The following IDE variants were observed in gnomAD, a reference collection of about 807,000 sequenced individuals.
IDE encodes insulin degrading enzyme, also known as insulin-degrading enzyme.
A neutral mutation model predicts 133.2 loss-of-function variants in IDE; 58 were observed. The ratio of observed to expected loss-of-function variants is 0.44; its 90% CI spans 0.35 to 0.54. The LOEUF (loss-of-function observed/expected upper bound fraction) is 0.54. IDE is among the 20% of genes least tolerant of loss of function. The pLI is 0.00. For synonymous variants in IDE, 396 were observed against 421.3 expected, an observed-to-expected ratio of 0.94 and a Z score of 0.73; for missense variants, 981 against 1,234.0, an observed-to-expected ratio of 0.79 and a Z score of 3.07.
intron 15 of IDE, among the ~76,000 whole-genome samples, chr10:92,478,344 T>C (rs953412126): frequency 1.3e-5 from 2 of 152,208 alleles, no homozygotes; most frequent in Non-Finnish European, 2.9e-5. Flanking sequence ...TACTTACGGA[T>C]GTTAATATAC....
chr10:92,565,124 GTAATTCCAGC>G (rs1843471197), intron 1 of IDE, among the ~76,000 whole-genome samples: 1 of 151,728 alleles, frequency 6.6e-6, no homozygotes, highest in South Asian at 2.1e-4. Context: ...GCGGGCGCCT[GTAATTCCAGC>G]TACTCAGGAG....
At chr10:92,507,372 T>C (rs1255404636) in intron 9 of IDE, among the ~76,000 whole-genome samples, 1 of 152,200 alleles carries the variant, frequency 6.6e-6, no homozygotes, top group South Asian at 2.1e-4. Context: ...ACACGATGCC[T>C]TTCCCCTTAG....
intron 10 of IDE, among the ~76,000 whole-genome samples, chr10:92,505,712 C>T (rs1448171472): frequency 6.6e-6 from 1 of 152,122 alleles, no homozygotes; most frequent in Non-Finnish European, 1.5e-5. Flanking sequence ...TGAGTGGAGA[C>T]TGAAATGATA....
Position 92,479,320 on chromosome 10 carries a change from G to C in IDE, c.1841C>G (p.Ala614Gly), listed in dbSNP as rs1318940919. The C allele has an allele frequency of 6.2e-7, 1 of 1,613,530 alleles. No individual in the cohort carries two copies. Among genetic ancestry groups the C allele is most frequent in the Non-Finnish European group, 8.5e-7 (1 of 1,179,552 alleles). ...LNEYAYAAEL[A>G]GLSYDLQNTI... ...ATTTTGGAGATCATAGCTCAAGCCT[G>C]CTAGCTCTGCTGCATATGCATACTC... The change falls in exon 15 of 25, where the codon GCA (alanine) becomes GGA (glycine). Residue 614 changes from alanine to glycine, a missense_variant. Around this residue, in one of 2 missense-constraint regions of IDE, gnomAD observed 660 missense variants for 894.7 expected, o/e 0.74. Transcript: ENST00000265986.
intron 3 of IDE, among the ~76,000 whole-genome samples, chr10:92,533,605 C>T (rs964993635): frequency 3.3e-5 from 5 of 151,742 alleles, no homozygotes; most frequent in African/African-American, 1.2e-4. Flanking sequence ...CTACTGCCTA[C>T]CATAATGCTT....
intron 1 of IDE, among the ~76,000 whole-genome samples, chr10:92,538,005 TG>T (rs1842106657): frequency 6.6e-6 from 1 of 152,006 alleles, no homozygotes; most frequent in South Asian, 2.1e-4. Context: ...CCCAAGCAGC[TG>T]GGACCACAGG....
At chr10:92,537,635 A>C in intron 1 of IDE, 85 bp from the exon 2 acceptor site, 1 of 960,622 alleles carries the variant, frequency 1.0e-6, no homozygotes, top group Non-Finnish European at 1.6e-6. Flanking sequence ...CATATAATAC[A>C]TCATCAGATT....
At chr10:92,530,349 C>T (rs568937562) in intron 4 of IDE, among the ~76,000 whole-genome samples, 2 of 151,958 alleles carry the variant, frequency 1.3e-5, no homozygotes, top group East Asian at 3.9e-4. Context: ...GGCTGGAGTG[C>T]AGTGACTCAA....
chr10:92,504,843 G>T lies in IDE; in HGVS notation c.1381C>A (p.Pro461Thr), dbSNP rs747481660. The T allele has an allele frequency of 8.8e-6, 14 of 1,593,174 alleles. No homozygotes were observed. The highest frequency in any genetic ancestry group is 8.5e-6 in the Non-Finnish European group (10 of 1,169,732). The change falls in exon 11 of 25, where the codon CCT (proline) becomes ACT (threonine). Residue 461 changes from proline (P) to threonine (T), a missense_variant. Transcript: ENST00000265986. ...TCGAGAACCATCTCTATTAAGTCAG[G>T]TCTAAATTCTTCCAGTAAATATTCC... ...TAEYLLEEFR[P>T]DLIEMVLDKL...
chr10:92,573,904 G>C lies in IDE; in HGVS notation c.98+18C>G. 1.4e-6 allele frequency: 2 copies of C among 1,441,606 alleles called. No individual in the cohort carries two copies. Among genetic ancestry groups the C allele is most frequent in the Non-Finnish European group, 1.8e-6 (2 of 1,100,876 alleles). The allele number at this position is 1,441,606 out of a possible 1,614,324, so 89.3% of individuals were successfully genotyped here. A position where few individuals can be genotyped will look rare whatever the true frequency, so the allele number is the denominator to read the frequency against. On this transcript the variant is annotated intron_variant, in intron 1 of 24. Coordinates refer to ENST00000265986, the MANE Select transcript of IDE (RefSeq NM_004969.4). ...TGACCCACGGGGCCCGAGGGCCCGG[G>C]CGCTCCATTCCGCTTACCCACACAG...
At chr10:92,464,364 T>C (rs1214528519) in intron 20 of IDE, among the ~76,000 whole-genome samples, 3 of 152,194 alleles carry the variant, frequency 2.0e-5, no homozygotes, top group Non-Finnish European at 4.4e-5. Flanking sequence ...TTAGTGACAG[T>C]CCTAGCTGTG....
chr10:92,474,845 C>G lies in IDE; in HGVS notation c.2112G>C (p.Leu704=). Residue 704 remains leucine (L), a synonymous_variant, in exon 17 of 25, where the codon CTG becomes CTC. Transcript: ENST00000265986. ...AWTKDELKEA[L]DDVTLPRLKA... is the part of the protein sequence containing the mutation. The stretch of plus-strand genomic sequence containing the variant: ...GCTTTAAGTAGAAAGTCTCACCATC[C>G]AGAGCTTCTTTTAACTCATCTTTAG... 6.2e-7 allele frequency: 1 copy of G among 1,609,416 alleles called. No individual in the cohort carries two copies. Among genetic ancestry groups the G allele is most frequent in the South Asian group, 1.1e-5 (1 of 89,734 alleles).
chr10:92,460,872 G>A (rs1399072897), intron 22 of IDE, among the ~76,000 whole-genome samples: 1 of 152,134 alleles, frequency 6.6e-6, no homozygotes, highest in Admixed American at 6.5e-5. Flanking sequence ...GCACAGTTTC[G>A]CTCTGTCACC....
intron 1 of IDE, among the ~76,000 whole-genome samples, chr10:92,545,160 T>G (rs933769106): frequency 1.3e-5 from 2 of 152,108 alleles, no homozygotes; most frequent in East Asian, 3.9e-4. Flanking sequence ...TACATTACAA[T>G]TAATGTAAAC....
intron 16 of IDE, 108 bp downstream of exon 16, chr10:92,475,776 T>C (rs931233526): frequency 3.1e-5 from 17 of 555,166 alleles, no homozygotes; most frequent in African/African-American, 2.3e-4. Context: ...GGTTATGAAT[T>C]CTTCTTTTCC....
In IDE at chr10:92,574,031, GT is replaced by G; in HGVS notation, c.-13del. 6.6e-7 allele frequency: 1 copy of G among 1,508,784 alleles called. No individual in the cohort carries two copies. Among genetic ancestry groups the G allele is most frequent in the Non-Finnish European group, 8.8e-7 (1 of 1,130,692 alleles). 93.5% of individuals were successfully genotyped at this position (1,508,784 alleles called of 1,614,324 possible). On this transcript the variant is annotated 5_prime_UTR_variant, in exon 1 of 25. Coordinates refer to ENST00000265986, the MANE Select transcript of IDE (RefSeq NM_004969.4). Reference sequence around the variant, plus strand: ...AGCCGGTACCGCATTAGCCAGCGCAGTCGCCGGGATCACCGCAAACGCTTCC... The same window carrying G: ...AGCCGGTACCGCATTAGCCAGCGCAGCGCCGGGATCACCGCAAACGCTTCC...
chr10:92,543,011 A>G (rs1842382345), intron 1 of IDE, among the ~76,000 whole-genome samples: 1 of 152,176 alleles, frequency 6.6e-6, no homozygotes, highest in East Asian at 1.9e-4. Flanking sequence ...AGATTGGGAA[A>G]TTTTACTTTG....
At chr10:92,562,631 A>C (rs1843330865) in intron 1 of IDE, among the ~76,000 whole-genome samples, 1 of 152,204 alleles carries the variant, frequency 6.6e-6, no homozygotes, top group African/African-American at 2.4e-5. Context: ...AGCTGAATTC[A>C]AGAATATTTT....
At chr10:92,535,263 C>A (rs113223444) in intron 2 of IDE, among the ~76,000 whole-genome samples, 2 of 152,160 alleles carry the variant, frequency 1.3e-5, no homozygotes, top group Non-Finnish European at 2.9e-5. Context: ...ACCACCGCGC[C>A]CAGCTAATTC....
Sources: allele counts gnomAD v4.1 joint callset (sites outside exome capture counted in the v4.1 genomes callset), GRCh38; gene constraint gnomAD v4.1.1; regional missense constraint gnomAD v4.1.1; transcripts MANE v1.5; gene names NCBI Gene and HGNC (gene_info 2026-07-23, HGNC 2026-07-21).